The following CNST variants were observed in gnomAD, a reference collection of about 807,000 sequenced individuals.
CNST encodes consortin, connexin sorting protein.
In CNST, 39 loss-of-function variants were observed where a neutral mutation model predicts 72.4. The ratio of observed to expected loss-of-function variants is 0.54; its 90% CI spans 0.42 to 0.70. The LOEUF is 0.70. Among genes scored for constraint, CNST ranks in the 30% least tolerant of loss-of-function variants. CNST has a pLI of 0.00. For missense variants in CNST, 871 were observed against 868.5 expected (o/e 1.00, Z -0.04); for synonymous variants, 332 against 320.1 (o/e 1.04, Z -0.40).
At chr1:246,573,716 A>G (rs1223227657) in intron 1 of CNST, among the ~76,000 whole-genome samples, 1 of 152,218 alleles carries the variant, frequency 6.6e-6, no homozygotes, top group African/African-American at 2.4e-5. Flanking sequence ...AGGAACACTT[A>G]TCTGGGCTGA....
At chr1:246,618,932 A>G (rs940266063) in intron 2 of CNST, among the ~76,000 whole-genome samples, 2 of 152,154 alleles carry the variant, frequency 1.3e-5, no homozygotes, top group African/African-American at 2.4e-5. Context: ...TTGAAAGTCC[A>G]TCCTTCTTTG....
intron 8 of CNST, among the ~76,000 whole-genome samples, chr1:246,645,649 G>A (rs1472475162): frequency 6.6e-6 from 1 of 151,536 alleles, no homozygotes; most frequent in African/African-American, 2.4e-5. Flanking sequence ...GGATGGTCTC[G>A]ATCTCCTGAC....
chr1:246,635,499 C>T (rs1665145549), intron 6 of CNST, among the ~76,000 whole-genome samples: 1 of 152,034 alleles, frequency 6.6e-6, no homozygotes, highest in Non-Finnish European at 1.5e-5. Context: ...GGCTACTTTT[C>T]TGATGTTTGA....
At chr1:246,635,744 A>G (rs1665176568) in intron 6 of CNST, among the ~76,000 whole-genome samples, 1 of 152,148 alleles carries the variant, frequency 6.6e-6, no homozygotes, top group Non-Finnish European at 1.5e-5. Context: ...TATTTAGCAT[A>G]TATGTGGGAG....
chr1:246,665,408 G>A (rs561746910), intron 10 of CNST, among the ~76,000 whole-genome samples: 19 of 152,194 alleles, frequency 1.2e-4, no homozygotes, highest in Admixed American at 2.0e-4. Context: ...TCATTAATGC[G>A]TGCTATGAGC....
At chr1:246,591,363 T>A (rs1572137787) in intron 1 of CNST, 149 bp from the exon 2 acceptor site, 2 of 598,332 alleles carry the variant, frequency 3.3e-6, no homozygotes, top group Admixed American at 6.1e-5. Context: ...TGGGGTTGGG[T>A]TGCATATGGT....
chr1:246,635,107 G>C (rs1471485188), intron 6 of CNST, among the ~76,000 whole-genome samples: 5 of 152,176 alleles, frequency 3.3e-5, no homozygotes, highest in Non-Finnish European at 7.3e-5. Flanking sequence ...TTCGGCCCTG[G>C]GGAGAATCTT....
chr1:246,660,273 G>A lies in CNST; in HGVS notation c.1911G>A (p.Met637Ile). Residue 637 changes from methionine to isoleucine, a missense_variant, in exon 10 of 11, where the codon ATG becomes ATA. By Grantham distance (10) the Met-to-Ile change is conservative. Coordinates refer to ENST00000366513, the MANE Select transcript of CNST (RefSeq NM_152609.3). ...NDTVGDHPAQ[M>I]QHKPSKRRVR... Reference sequence around the variant, plus strand: ...CTGTAGGAGATCATCCTGCCCAAATGCAACACAAACCATCTAAGCGAAGAG... The same window carrying A: ...CTGTAGGAGATCATCCTGCCCAAATACAACACAAACCATCTAAGCGAAGAG... The A allele has an allele frequency of 6.2e-7, 1 of 1,613,978 alleles. No homozygotes were observed. Among genetic ancestry groups the A allele is most frequent in the Non-Finnish European group, 8.5e-7 (1 of 1,179,900 alleles).
rs1202093018 is a variant in CNST at position 246,591,538 on chromosome 1, A to G, written c.-25A>G. 6.2e-7 allele frequency: 1 copy of G among 1,613,184 alleles called. No individual in the cohort carries two copies. The highest frequency in any genetic ancestry group is 1.3e-5 in the African/African-American group (1 of 74,922). On this transcript the variant is annotated 5_prime_UTR_variant, in exon 2 of 11. Coordinates refer to ENST00000366513, the MANE Select transcript of CNST (RefSeq NM_152609.3). The stretch of plus-strand genomic sequence containing the variant: ...CATGGAAGGTCTTTAATGTAACTTT[A>G]AATGGTTCACCAAAGGATGCTCTAA...
chr1:246,569,807 C>A, intron 1 of CNST: 2 of 223,372 alleles, frequency 9.0e-6, no homozygotes, highest in Non-Finnish European at 1.5e-5. Flanking sequence ...AGTGTTCAGT[C>A]ATTTCCTGGC....
rs1426519956 is a variant in CNST, at chr1:246,623,043, A to G, written c.585+1409A>G. Among the ~76,000 whole-genome samples the G allele has an allele frequency of 4.6e-5, 7 of 152,140 alleles. No homozygotes were observed. In the East Asian group the frequency reaches 1.4e-3, roughly 29 times the overall value. ...TCACCATGTTGGCCAGGCTGGTTTC[A>G]AACTCCTGACCTCAAGTGATCCACC... On this transcript the variant is annotated intron_variant, in intron 3 of 10. Coordinates refer to ENST00000366513, the MANE Select transcript of CNST (RefSeq NM_152609.3).
At chr1:246,659,549 C>T (rs1192883914) in intron 9 of CNST, among the ~76,000 whole-genome samples, 8 of 151,482 alleles carry the variant, frequency 5.3e-5, no homozygotes, top group South Asian at 2.1e-4. Flanking sequence ...GAGCCGAGAT[C>T]GCGCCACTGC....
At chr1:246,630,730 A>G (rs7518770) in intron 3 of CNST, among the ~76,000 whole-genome samples, 72,576 of 151,896 alleles carry the variant, frequency 0.48, 19,133 homozygotes, top group African/African-American at 0.69. Flanking sequence ...TGTGGAAACC[A>G]TTTTTTGTTT....
chr1:246,581,116 A>G (rs191870790), intron 1 of CNST, among the ~76,000 whole-genome samples: 2 of 152,290 alleles, frequency 1.3e-5, no homozygotes, highest in African/African-American at 2.4e-5. Flanking sequence ...TCCTTGAGTA[A>G]TAATCTTCTG....
chr1:246,632,139 C>T, intron 4 of CNST: 2 of 444,332 alleles, frequency 4.5e-6, no homozygotes, highest in East Asian at 3.7e-5. Context: ...CCAAAGTTTA[C>T]CTTCATAAAT....
chr1:246,600,478 G>A (rs949849803), intron 2 of CNST, among the ~76,000 whole-genome samples: 18 of 152,170 alleles, frequency 1.2e-4, no homozygotes, highest in African/African-American at 3.9e-4. Flanking sequence ...CAGAGATGCT[G>A]GTGATCTGTA....
intron 2 of CNST, among the ~76,000 whole-genome samples, chr1:246,612,482 C>T (rs1051763403): frequency 2.0e-5 from 3 of 152,250 alleles, no homozygotes; most frequent in South Asian, 4.1e-4. Flanking sequence ...GGATTACAGG[C>T]GTGAGCCACC....
intron 1 of CNST, among the ~76,000 whole-genome samples, chr1:246,586,520 G>C (rs1661212221): frequency 6.7e-6 from 1 of 149,920 alleles, no homozygotes; most frequent in South Asian, 2.1e-4. Flanking sequence ...ATAAATATAA[G>C]TACACCACCA....
intron 4 of CNST, among the ~76,000 whole-genome samples, chr1:246,633,659 C>T (rs544139216): frequency 1.3e-5 from 2 of 151,612 alleles, no homozygotes; most frequent in Admixed American, 1.3e-4. Context: ...AGGAGAATCG[C>T]TTGAACCCGG....
Sources: allele counts gnomAD v4.1 joint callset (sites outside exome capture counted in the v4.1 genomes callset), GRCh38; gene constraint gnomAD v4.1.1; transcripts MANE v1.5; gene names NCBI Gene and HGNC (gene_info 2026-07-23, HGNC 2026-07-21).